Variants in GTF2IRD1 observed in about 807,000 individuals in gnomAD.
The protein encoded by GTF2IRD1 is GTF2I repeat domain containing 1.
In GTF2IRD1, 26 loss-of-function variants were observed where a neutral mutation model predicts 113.2. That is an observed-to-expected ratio of 0.23 (90% CI 0.17 to 0.32). The LOEUF is 0.32. Among genes scored for constraint, GTF2IRD1 ranks in the 10% least tolerant of loss-of-function variants. The pLI is 1.00. For synonymous variants in GTF2IRD1, 484 were observed against 529.1 expected (o/e 0.91, Z 1.17); for missense variants, 864 against 1,280.8 (o/e 0.67, Z 4.97).
At chr7:74,582,286 G>T (rs1554366397) in intron 22 of GTF2IRD1, among the ~76,000 whole-genome samples, 1 of 152,208 alleles carries the variant, frequency 6.6e-6, no homozygotes, top group African/African-American at 2.4e-5. Flanking sequence ...GGGGACAGGG[G>T]AGTTGGTCTT....
intron 22 of GTF2IRD1, among the ~76,000 whole-genome samples, chr7:74,575,488 G>C (rs1229323089): frequency 1.3e-5 from 2 of 152,248 alleles, no homozygotes; most frequent in Non-Finnish European, 2.9e-5. Flanking sequence ...TGTTTTAACA[G>C]AATCCCTCTG....
intron 22 of GTF2IRD1, among the ~76,000 whole-genome samples, chr7:74,576,657 A>C (rs1346470305): frequency 1.1e-5 from 1 of 92,124 alleles, no homozygotes; most frequent in African/African-American, 4.3e-5. Flanking sequence ...TTTGAGACAG[A>C]GTCTTCAGGC....
intron 1 of GTF2IRD1, among the ~76,000 whole-genome samples, chr7:74,456,130 T>A (rs1792958544): frequency 6.6e-6 from 1 of 152,138 alleles, no homozygotes; most frequent in Non-Finnish European, 1.5e-5. Context: ...GCACTTGGTG[T>A]TTGGCAATAG....
intron 1 of GTF2IRD1, chr7:74,506,559 C>G (rs1562813119): frequency 6.6e-6 from 1 of 152,212 alleles, no homozygotes; most frequent in African/African-American, 2.4e-5. Flanking sequence ...CAACACCCAG[C>G]AGGGGCCACA....
At chr7:74,457,144 C>T (rs1554327617) in intron 1 of GTF2IRD1, among the ~76,000 whole-genome samples, 2 of 152,162 alleles carry the variant, frequency 1.3e-5, no homozygotes, top group East Asian at 3.9e-4. Context: ...ACAAGGGCCA[C>T]TACACCTGGT....
chr7:74,505,300 G>T (rs562169117), intron 1 of GTF2IRD1, among the ~76,000 whole-genome samples: 1 of 152,140 alleles, frequency 6.6e-6, no homozygotes, highest in Non-Finnish European at 1.5e-5. Flanking sequence ...ATCTTCCCCC[G>T]CTTCTCCTGC....
At chr7:74,480,611 C>T (rs900531783) in intron 1 of GTF2IRD1, among the ~76,000 whole-genome samples, 1 of 152,194 alleles carries the variant, frequency 6.6e-6, no homozygotes, top group Non-Finnish European at 1.5e-5. Context: ...CCCTGCCCGC[C>T]TGCCAGGAGC....
Position 74,559,620 on chromosome 7 carries a change from C to G in GTF2IRD1, c.2292-7C>G. On this transcript the variant is annotated splice_polypyrimidine_tract_variant and splice_region_variant and intron_variant, in intron 21 of 26. Coordinates refer to ENST00000424337, the MANE Select transcript of GTF2IRD1 (RefSeq NM_005685.4). ...CCATGACACCCCTGCCTCTGTTTCTCTTCTAGGCCTTTCCAAGGACTCATC... is the reference window on the plus strand; with the variant it reads ...CCATGACACCCCTGCCTCTGTTTCTGTTCTAGGCCTTTCCAAGGACTCATC... 1 of 1,591,036 alleles carries G rather than the reference C, an allele frequency of 6.3e-7. No homozygotes were observed. The highest frequency in any genetic ancestry group is 8.6e-7 in the Non-Finnish European group (1 of 1,169,194).
At chr7:74,557,345 C>T (rs1253371211) in intron 19 of GTF2IRD1, among the ~76,000 whole-genome samples, 5 of 152,196 alleles carry the variant, frequency 3.3e-5, no homozygotes, top group African/African-American at 4.8e-5. Context: ...CACAGGACTC[C>T]GTACTCTATG....
chr7:74,576,319 G>A (rs782342780), intron 22 of GTF2IRD1, among the ~76,000 whole-genome samples: 23 of 151,892 alleles, frequency 1.5e-4, no homozygotes, highest in Non-Finnish European at 2.6e-4. Flanking sequence ...CTAGCACTTC[G>A]GGAGGCTGAG....
In GTF2IRD1 at chr7:74,536,088, C is replaced by G. The variant is rs1798278709; in HGVS notation, c.1301-79C>G. On this transcript the variant is annotated intron_variant, in intron 10 of 26. Transcript: ENST00000424337. ...TCCCCGGGATTCCCCCAGCTTCACA[C>G]ACAGACCTTTACCCAGGGGCTCTGC... 6.5e-6 allele frequency: 6 copies of G among 917,078 alleles called. No homozygotes were observed. The Admixed American group carries it at 9.1e-5, about 14-fold the overall frequency. The allele number at this position is 917,078 out of a possible 1,614,324, so 56.8% of individuals were successfully genotyped here.
At chr7:74,560,060 C>T (rs1799856264) in intron 22 of GTF2IRD1, among the ~76,000 whole-genome samples, 1 of 152,220 alleles carries the variant, frequency 6.6e-6, no homozygotes, top group Non-Finnish European at 1.5e-5. Flanking sequence ...GGATTACAGG[C>T]GTGAGCCACT....
chr7:74,543,427 T>G (rs1798739782), intron 14 of GTF2IRD1, among the ~76,000 whole-genome samples: 1 of 152,152 alleles, frequency 6.6e-6, no homozygotes, highest in African/African-American at 2.4e-5. Context: ...GAGCTGAGAC[T>G]GCACCACTGC....
chr7:74,544,645 G>C, intron 14 of GTF2IRD1, 110 bp from the exon 15 acceptor site: 1 of 1,046,008 alleles, frequency 9.6e-7, no homozygotes. Context: ...CCATGCTTCA[G>C]AGTTGGGGCC....
chr7:74,500,423 T>TAA (rs74272932), intron 1 of GTF2IRD1, among the ~76,000 whole-genome samples: 1 of 136,736 alleles, frequency 7.3e-6, no homozygotes, highest in Admixed American at 7.4e-5. Context: ...TCTGTTTTGT[T>TAA]AAAAAAAAAA....
At chr7:74,482,620 C>A (rs1369892162) in intron 1 of GTF2IRD1, among the ~76,000 whole-genome samples, 1 of 152,120 alleles carries the variant, frequency 6.6e-6, no homozygotes, top group Non-Finnish European at 1.5e-5. Context: ...GTAACCAGCA[C>A]CCAGATCAAG....
intron 14 of GTF2IRD1, among the ~76,000 whole-genome samples, chr7:74,541,468 A>G (rs1212244384): frequency 6.6e-6 from 1 of 152,126 alleles, no homozygotes; most frequent in Non-Finnish European, 1.5e-5. Context: ...TCTACAAAAA[A>G]TACAGAAATT....
chr7:74,492,761 C>T (rs531470616), intron 1 of GTF2IRD1, among the ~76,000 whole-genome samples: 1 of 152,014 alleles, frequency 6.6e-6, no homozygotes, highest in African/African-American at 2.4e-5. Context: ...ATGCTCCCTC[C>T]AGAGGCTCTC....
chr7:74,577,626 T>C (rs1350739605), intron 22 of GTF2IRD1, among the ~76,000 whole-genome samples: 2 of 152,118 alleles, frequency 1.3e-5, no homozygotes, highest in South Asian at 2.1e-4. Flanking sequence ...CTCCATGATA[T>C]AATCATTTTT....
Sources: allele counts gnomAD v4.1 joint callset (sites outside exome capture counted in the v4.1 genomes callset), GRCh38; gene constraint gnomAD v4.1.1; transcripts MANE v1.5; gene names NCBI Gene and HGNC (gene_info 2026-07-23, HGNC 2026-07-21).